The following PPME1 variants were observed in gnomAD, a reference collection of about 807,000 sequenced individuals.
PPME1 encodes the protein testicular secretory protein Li 39.
Under a neutral mutation model 56.9 loss-of-function variants are expected in PPME1, and 17 were observed. The observed-to-expected ratio is 0.30, with a 90% CI of 0.20 to 0.45. PPME1 has a LOEUF of 0.45. Among genes scored for constraint, PPME1 ranks in the 20% least tolerant of loss-of-function variants. The probability of loss-of-function intolerance (pLI) is 1.00; values close to 1 mark genes in which losing one functional copy is unlikely to be tolerated. For missense variants in PPME1, 357 were observed against 483.2 expected (o/e 0.74, Z 2.45); for synonymous variants, 122 against 156.2 (o/e 0.78, Z 1.63).
chr11:74,206,820 G>A (rs1168269900), intron 3 of PPME1, among the ~76,000 whole-genome samples: 1 of 148,960 alleles, frequency 6.7e-6, no homozygotes, highest in African/African-American at 2.6e-5. Flanking sequence ...TCCTCCCTCA[G>A]CCTTGCAAAG....
intron 3 of PPME1, among the ~76,000 whole-genome samples, chr11:74,207,926 TTTC>T (rs1858368325): frequency 1.3e-5 from 2 of 152,326 alleles, no homozygotes; most frequent in African/African-American, 2.4e-5. Flanking sequence ...CTGATTCCCA[TTTC>T]TTCTTCTAGT....
intron 1 of PPME1, among the ~76,000 whole-genome samples, chr11:74,173,408 C>T (rs1565372083): frequency 1.3e-5 from 2 of 151,834 alleles, no homozygotes; most frequent in Non-Finnish European, 2.9e-5. Context: ...AGCTCAGCTT[C>T]TCATCTTGGA....
intron 7 of PPME1, among the ~76,000 whole-genome samples, chr11:74,232,517 A>G (rs1304275339): frequency 6.6e-6 from 1 of 152,216 alleles, no homozygotes. Flanking sequence ...TCACAGAAAT[A>G]TCAAAGATCT....
chr11:74,239,958 A>G (rs796207348), intron 9 of PPME1, among the ~76,000 whole-genome samples: 2 of 89,920 alleles, frequency 2.2e-5, no homozygotes, highest in Non-Finnish European at 4.8e-5. Flanking sequence ...TTTTCTTTCC[A>G]TTTTTTTTTT....
intron 3 of PPME1, among the ~76,000 whole-genome samples, chr11:74,208,472 A>C (rs1247094209): frequency 2.0e-5 from 3 of 152,212 alleles, no homozygotes; most frequent in Admixed American, 6.5e-5. Flanking sequence ...GTTTAAATCT[A>C]ATAGGGAAGG....
chr11:74,209,229 C>T (rs913693698), intron 3 of PPME1, among the ~76,000 whole-genome samples: 2 of 152,154 alleles, frequency 1.3e-5, no homozygotes, highest in African/African-American at 4.8e-5. Flanking sequence ...ACTTCAGCCT[C>T]CTGAGTAGCT....
intron 1 of PPME1, among the ~76,000 whole-genome samples, chr11:74,189,318 C>T (rs7119052): frequency 1.3e-5 from 2 of 152,194 alleles, no homozygotes; most frequent in African/African-American, 4.8e-5. Flanking sequence ...GAGACAAGGT[C>T]TCACTCTGTC....
intron 1 of PPME1, chr11:74,198,711 C>G (rs1858061400): frequency 6.6e-6 from 1 of 152,274 alleles, no homozygotes; most frequent in Non-Finnish European, 1.5e-5. Context: ...CCTTGACCTC[C>G]AAAGTGCTGG....
At chr11:74,211,952 A>G (rs1311109883) in intron 3 of PPME1, among the ~76,000 whole-genome samples, 1 of 152,222 alleles carries the variant, frequency 6.6e-6, no homozygotes, top group African/African-American at 2.4e-5. Context: ...AGATGGTGAA[A>G]TAGAAGCCTC....
At position 74,192,643 on chromosome 11, in the gene PPME1, A is replaced by G. The variant is rs577874935; in HGVS notation, c.102-11085A>G. On this transcript the variant is annotated intron_variant, in intron 1 of 13. Coordinates refer to ENST00000328257, the MANE Select transcript of PPME1 (RefSeq NM_016147.3). ...GTGGGAGGTGTTGGATCATGGATGC[A>G]GATCCCTCATGAATGGTTTATTGCC... Among the ~76,000 whole-genome samples the G allele has an allele frequency of 2.0e-5, 3 of 152,288 alleles. No homozygotes were observed. In the East Asian group the frequency reaches 5.8e-4, roughly 29 times the overall value.
chr11:74,243,774 T>C (rs1297338367), intron 9 of PPME1, among the ~76,000 whole-genome samples: 6 of 150,324 alleles, frequency 4.0e-5, no homozygotes. Context: ...TCTTTTCCTT[T>C]CTTTCTTTCT....
Position 74,236,064 on chromosome 11 carries a change from G to T in PPME1, c.710+98G>T. 4 of 1,495,758 alleles carry T rather than the reference G, an allele frequency of 2.7e-6. No individual in the cohort carries two copies. In the Admixed American group the frequency reaches 6.8e-5, roughly 25 times the overall value. The allele number at this position is 1,495,758 out of a possible 1,614,324, so 92.7% of individuals were successfully genotyped here. A position where few individuals can be genotyped will look rare whatever the true frequency, so the allele number is the denominator to read the frequency against. On this transcript the variant is annotated intron_variant, in intron 8 of 13. Coordinates refer to ENST00000328257, the MANE Select transcript of PPME1 (RefSeq NM_016147.3). ...TGTCTTACACCAATTCTACCATTCC[G>T]GTAAATGCCTTTATTATTTTAAATA...
chr11:74,242,101 G>T (rs558695151), intron 9 of PPME1, among the ~76,000 whole-genome samples: 1 of 152,124 alleles, frequency 6.6e-6, no homozygotes, highest in Admixed American at 6.5e-5. Flanking sequence ...TCTTGTTTTA[G>T]CTCTTACATT....
chr11:74,194,590 CTA>C (rs1477656386), intron 1 of PPME1, among the ~76,000 whole-genome samples: 40 of 151,086 alleles, frequency 2.6e-4, no homozygotes, highest in Non-Finnish European at 1.2e-4. Flanking sequence ...TAATTATACA[CTA>C]TGATTGTATA....
At chr11:74,210,397 T>C (rs910601138) in intron 3 of PPME1, among the ~76,000 whole-genome samples, 1 of 152,154 alleles carries the variant, frequency 6.6e-6, no homozygotes, top group African/African-American at 2.4e-5. Flanking sequence ...AACAGACACA[T>C]TGACACATTC....
Position 74,253,649 on chromosome 11 carries a change from G to T in PPME1, c.*139G>T. 1.1e-6 allele frequency: 1 copy of T among 909,072 alleles called. No individual in the cohort carries two copies. The highest frequency in any genetic ancestry group is 1.8e-6 in the Non-Finnish European group (1 of 564,812). 56.3% of individuals were successfully genotyped at this position (909,072 alleles called of 1,614,324 possible). A position where few individuals can be genotyped will look rare whatever the true frequency, so the allele number is the denominator to read the frequency against. On this transcript the variant is annotated 3_prime_UTR_variant, in exon 14 of 14. Transcript: ENST00000328257. ...TCCCGGTAGACGGGCACCCCGAGATGTACCAACCTTTTCATGTATTCTGCC... is the reference window on the plus strand; with the variant it reads ...TCCCGGTAGACGGGCACCCCGAGATTTACCAACCTTTTCATGTATTCTGCC...
At chr11:74,190,360 C>T (rs1857802437) in intron 1 of PPME1, among the ~76,000 whole-genome samples, 2 of 152,190 alleles carry the variant, frequency 1.3e-5, no homozygotes, top group Admixed American at 6.5e-5. Flanking sequence ...GTTCTGAGTT[C>T]AGTCGAGATC....
chr11:74,175,273 C>T (rs957195044), intron 1 of PPME1, among the ~76,000 whole-genome samples: 10 of 152,046 alleles, frequency 6.6e-5, no homozygotes, highest in South Asian at 2.1e-4. Context: ...GAGGCCGAGG[C>T]GGGTGGATCA....
intron 10 of PPME1, 66 bp from the exon 11 acceptor site, chr11:74,247,013 G>A (rs555433448): frequency 3.7e-6 from 5 of 1,344,118 alleles, no homozygotes; most frequent in African/African-American, 2.9e-5. Context: ...TTAAAACTTT[G>A]TAACACTTTT....
Sources: allele counts gnomAD v4.1 joint callset (sites outside exome capture counted in the v4.1 genomes callset), GRCh38; gene constraint gnomAD v4.1.1; transcripts MANE v1.5; gene names NCBI Gene and HGNC (gene_info 2026-07-23, HGNC 2026-07-21).